The following BRAF variants were observed in gnomAD, a reference collection of about 807,000 sequenced individuals.
The protein encoded by BRAF is B-Raf proto-oncogene, serine/threonine kinase.
Under a neutral mutation model 104.6 loss-of-function variants are expected in BRAF, and 16 were observed. That is an observed-to-expected ratio of 0.15 (90% CI 0.10 to 0.23). The LOEUF (loss-of-function observed/expected upper bound fraction) is 0.23, where lower values mean the gene tolerates loss of function less well. BRAF is among the 10% of genes least tolerant of loss of function. The pLI, the probability that BRAF is intolerant of heterozygous loss-of-function variation, is 1.00. For missense variants in BRAF, 541 were observed against 937.3 expected, an observed-to-expected ratio of 0.58 and a Z score of 5.52; for synonymous variants, 310 against 341.6, an observed-to-expected ratio of 0.91 and a Z score of 1.02.
chr7:140,815,769 G>A (rs1804815493), intron 3 of BRAF, among the ~76,000 whole-genome samples: 1 of 152,056 alleles, frequency 6.6e-6, no homozygotes, highest in Non-Finnish European at 1.5e-5. Context: ...AAAAAAAATT[G>A]TTATGATCTG....
At chr7:140,854,213 T>C (rs1446866685) in intron 1 of BRAF, among the ~76,000 whole-genome samples, 4 of 152,186 alleles carry the variant, frequency 2.6e-5, no homozygotes, top group African/African-American at 7.2e-5. Flanking sequence ...CCCTCTATGA[T>C]GTGTTCACTG....
At chr7:140,806,324 T>A (rs1239663280) in intron 5 of BRAF, among the ~76,000 whole-genome samples, 2 of 152,248 alleles carry the variant, frequency 1.3e-5, no homozygotes, top group African/African-American at 4.8e-5. Context: ...TATGAATGTT[T>A]ATGAAAATTT....
At chr7:140,768,990 T>C (rs1799586634) in intron 14 of BRAF, among the ~76,000 whole-genome samples, 1 of 152,174 alleles carries the variant, frequency 6.6e-6, no homozygotes, top group Non-Finnish European at 1.5e-5. Context: ...TCTAGAACTA[T>C]GAGAAATAAG....
chr7:140,813,512 GA>G lies in BRAF; in HGVS notation c.505-4518del, dbSNP rs369102034. Among the ~76,000 whole-genome samples the G allele has an allele frequency of 6.9e-3, 1,046 of 152,168 alleles. 9 individuals carry two copies. The highest frequency in any genetic ancestry group is 0.017 in the South Asian group (80 of 4,816). On this transcript the variant is annotated intron_variant, in intron 3 of 19. Transcript: ENST00000644969. ...TTGACCTAGTCAAGCATACTTCTGG[GA>G]ATCTATCTCACAGATATGCCTGCAA...
At chr7:140,887,456 T>G (rs1813699202) in intron 1 of BRAF, among the ~76,000 whole-genome samples, 1 of 152,120 alleles carries the variant, frequency 6.6e-6, no homozygotes, top group African/African-American at 2.4e-5. Flanking sequence ...TTTTTTGAAA[T>G]GGAGAACATC....
intron 18 of BRAF, among the ~76,000 whole-genome samples, chr7:140,737,572 T>C (rs1263789352): frequency 2.0e-5 from 3 of 152,226 alleles, no homozygotes; most frequent in Non-Finnish European, 4.4e-5. Flanking sequence ...TTTTGTTATA[T>C]ATGCTACAAT....
At position 140,766,553 on chromosome 7, in the gene BRAF, CA is replaced by C. The variant is rs201798891; in HGVS notation, c.1814+10358del. Among the ~76,000 whole-genome samples, 1,308 of 152,200 alleles carry C rather than the reference CA, an allele frequency of 8.6e-3. 22 individuals carry two copies. Among genetic ancestry groups the C allele is most frequent in the East Asian group, 0.031 (160 of 5,180 alleles). On this transcript the variant is annotated intron_variant, in intron 14 of 19. Transcript: ENST00000644969. ...AAATGTCAACATTCTGCCAAATGTG[CA>C]TAAGAAAGATGTTTCATTATTACTG...
intron 1 of BRAF, among the ~76,000 whole-genome samples, chr7:140,901,863 T>C (rs922632646): frequency 1.3e-5 from 2 of 152,230 alleles, no homozygotes; most frequent in Non-Finnish European, 2.9e-5. Flanking sequence ...TAATTCTTTA[T>C]TTATCTACTT....
intron 17 of BRAF, among the ~76,000 whole-genome samples, chr7:140,746,380 ATGACAAAG>A (rs1482101112): frequency 6.6e-6 from 1 of 152,120 alleles, no homozygotes; most frequent in Non-Finnish European, 1.5e-5. Flanking sequence ...GAGTGGGGGG[ATGACAAAG>A]TGATTTCCCA....
At chr7:140,874,422 G>A (rs939247928) in intron 1 of BRAF, among the ~76,000 whole-genome samples, 4 of 150,112 alleles carry the variant, frequency 2.7e-5, no homozygotes, top group Admixed American at 6.7e-5. Flanking sequence ...GGATGGCCTC[G>A]ATCTCCTGAC....
At chr7:140,763,996 A>AAAG (rs1799053148) in intron 14 of BRAF, among the ~76,000 whole-genome samples, 1 of 152,192 alleles carries the variant, frequency 6.6e-6, no homozygotes, top group East Asian at 1.9e-4. Flanking sequence ...CACAACCAAA[A>AAAG]AAGAGAATTT....
chr7:140,869,401 G>T (rs1161316222), intron 1 of BRAF, among the ~76,000 whole-genome samples: 2 of 152,284 alleles, frequency 1.3e-5, no homozygotes, highest in African/African-American at 4.8e-5. Flanking sequence ...GGGAGGCCAA[G>T]GTAGGCAGAT....
chr7:140,898,931 C>A (rs537572980), intron 1 of BRAF, among the ~76,000 whole-genome samples: 1 of 152,190 alleles, frequency 6.6e-6, no homozygotes, highest in African/African-American at 2.4e-5. Context: ...GAGATTCATA[C>A]ATATTGATGC....
chr7:140,789,269 G>A (rs1801707064), intron 8 of BRAF, among the ~76,000 whole-genome samples: 1 of 152,066 alleles, frequency 6.6e-6, no homozygotes, highest in East Asian at 1.9e-4. Context: ...CGATGGTAGT[G>A]GGGACAGTCG....
chr7:140,741,192 G>T (rs1318038501), intron 17 of BRAF: 1 of 152,118 alleles, frequency 6.6e-6, no homozygotes, highest in Non-Finnish European at 1.5e-5. Context: ...AAAACGTTGG[G>T]ACACTTGGAT....
the BRAF span, among the ~76,000 whole-genome samples, chr7:140,713,807 T>G: frequency 3.3e-5 from 5 of 152,166 alleles, no homozygotes; most frequent in Non-Finnish European, 5.9e-5. Flanking sequence ...CCTTTCTGTT[T>G]GTTAGTTTTC....
At chr7:140,779,439 T>C (rs1478081539) in intron 12 of BRAF, among the ~76,000 whole-genome samples, 1 of 152,162 alleles carries the variant, frequency 6.6e-6, no homozygotes, top group African/African-American at 2.4e-5. Flanking sequence ...TGAGTATCCC[T>C]TATCCAAAAT....
intron 8 of BRAF, among the ~76,000 whole-genome samples, chr7:140,793,655 T>C (rs1432896357): frequency 6.6e-6 from 1 of 152,212 alleles, no homozygotes; most frequent in Non-Finnish European, 1.5e-5. Flanking sequence ...AGACAGGGTC[T>C]CACTCTGTTG....
intron 7 of BRAF, 172 bp downstream of exon 7, chr7:140,800,190 C>T (rs1472788913): frequency 9.5e-7 from 1 of 1,047,974 alleles, no homozygotes; most frequent in Non-Finnish European, 1.4e-6. Context: ...CAGCTTTAAT[C>T]CCATTTATTT....
Sources: allele counts gnomAD v4.1 joint callset (sites outside exome capture counted in the v4.1 genomes callset), GRCh38; gene constraint gnomAD v4.1.1; transcripts MANE v1.5; gene names NCBI Gene and HGNC (gene_info 2026-07-23, HGNC 2026-07-21).